The following JAK1 variants were observed in gnomAD, a reference collection of about 807,000 sequenced individuals.
JAK1 encodes Janus kinase 1.
Under a neutral mutation model 136.6 loss-of-function variants are expected in JAK1, and 16 were observed. The ratio of observed to expected loss-of-function variants is 0.12; its 90% CI spans 0.08 to 0.18. The LOEUF is 0.18. Among genes scored for constraint, JAK1 ranks in the 10% least tolerant of loss-of-function variants. The pLI, the probability that JAK1 is intolerant of heterozygous loss-of-function variation, is 1.00. For synonymous variants in JAK1, 492 were observed against 519.5 expected (o/e 0.95, Z 0.72); for missense variants, 859 against 1,450.1 (o/e 0.59, Z 6.62).
chr1:65,059,710 T>C (rs1647707962), intron 1 of JAK1, among the ~76,000 whole-genome samples: 2 of 152,222 alleles, frequency 1.3e-5, no homozygotes, highest in African/African-American at 4.8e-5. Context: ...ATTAAAACCA[T>C]GATTCACTTG....
intron 4 of JAK1, among the ~76,000 whole-genome samples, chr1:64,878,559 GTGTATATATATATATATATA>G (rs1204826610): frequency 2.5e-5 from 2 of 79,262 alleles, no homozygotes; most frequent in African/African-American, 4.7e-5. Flanking sequence ...TATATATAGT[GTGTATATATATATATATATA>G]TATATATATA....
chr1:65,008,291 C>G (rs879816923), intron 2 of JAK1, among the ~76,000 whole-genome samples: 12 of 152,074 alleles, frequency 7.9e-5, no homozygotes, highest in African/African-American at 1.2e-4. Flanking sequence ...TATGGTGTGT[C>G]CTAGTAACAT....
chr1:65,063,804 C>CAAAAAA (rs370192253), intron 1 of JAK1, among the ~76,000 whole-genome samples: 5 of 81,352 alleles, frequency 6.1e-5, no homozygotes, highest in Admixed American at 1.3e-4. Context: ...GACTCTATCT[C>CAAAAAA]AAAAAAAAAA....
chr1:65,011,468 C>CA (rs1488842824), intron 2 of JAK1, among the ~76,000 whole-genome samples: 1 of 152,008 alleles, frequency 6.6e-6, no homozygotes, highest in Non-Finnish European at 1.5e-5. Context: ...AACAAACAAA[C>CA]AACAACCAAC....
intron 2 of JAK1, chr1:64,986,066 AGATGGGGT>A: frequency 1.7e-6 from 2 of 1,191,704 alleles, no homozygotes; most frequent in East Asian, 5.5e-5. Context: ...CGAAGATCAG[AGATGGGGT>A]GACCTTCTAT....
At position 64,867,022 on chromosome 1, in the gene JAK1, T is replaced by C; in HGVS notation, c.834A>G (p.Thr278=). ...CAAATATTTCAGCACCGTAATGTTT[T>C]GTCAAAGTTTCCAAGGTAGCCAAGT... is the stretch of plus-strand genomic sequence containing the variant. ...VKYLATLETL[T]KHYGAEIFET... is the part of the protein sequence containing the mutation. The change falls in exon 7 of 25, where the codon ACA becomes ACG. Residue 278 remains threonine, a synonymous_variant. Transcript: ENST00000342505. The C allele has an allele frequency of 1.9e-6, 3 of 1,614,258 alleles. No homozygotes were observed. The highest frequency in any genetic ancestry group is 1.1e-5 in the South Asian group (1 of 91,090).
chr1:64,905,517 T>G (rs755817163), intron 1 of JAK1, among the ~76,000 whole-genome samples: 9 of 152,152 alleles, frequency 5.9e-5, no homozygotes, highest in East Asian at 1.9e-4. Flanking sequence ...AAGAAAGAAA[T>G]AATCGTATTG....
chr1:64,985,398 T>C (rs1646588889), intron 2 of JAK1: 5 of 1,610,614 alleles, frequency 3.1e-6, no homozygotes, highest in South Asian at 1.1e-5. Flanking sequence ...GGATACATCC[T>C]GGGTGCCCCA....
chr1:64,958,566 T>C (rs1281145754), intron 1 of JAK1, among the ~76,000 whole-genome samples: 1 of 152,234 alleles, frequency 6.6e-6, no homozygotes, highest in African/African-American at 2.4e-5. Context: ...TTCTTTATAA[T>C]ATATATTGCA....
intron 1 of JAK1, among the ~76,000 whole-genome samples, chr1:64,896,662 G>A (rs11208536): frequency 0.79 from 119,464 of 152,124 alleles, 48,297 homozygotes; most frequent in Non-Finnish European, 0.89. Context: ...AAGATATATC[G>A]CCAAAGAAGA....
In JAK1 at chr1:65,023,672, A is replaced by G. The variant is rs554400218; in HGVS notation, c.-78+20808T>C. Reference sequence around the variant, plus strand: ...CTAATTGTTTGTATTTTTAGTAGAGATGGGGTTTCACCATGTTAGCCAGGA... The same window carrying G: ...CTAATTGTTTGTATTTTTAGTAGAGGTGGGGTTTCACCATGTTAGCCAGGA... On this transcript the variant is annotated intron_variant, in intron 2 of 25. Coordinates refer to the JAK1 transcript ENST00000671954. Among the ~76,000 whole-genome samples, 4 of 152,192 alleles carry G rather than the reference A, an allele frequency of 2.6e-5. No homozygotes were observed. The South Asian group carries it at 8.3e-4, about 32-fold the overall frequency.
chr1:65,012,108 C>A (rs375081099), intron 2 of JAK1, among the ~76,000 whole-genome samples: 3 of 152,172 alleles, frequency 2.0e-5, no homozygotes, highest in African/African-American at 2.4e-5. Flanking sequence ...AGCTGAGAGA[C>A]AACAGCTCTG....
chr1:64,888,731 T>C (rs1189588399), intron 1 of JAK1, among the ~76,000 whole-genome samples: 4 of 152,234 alleles, frequency 2.6e-5, no homozygotes, highest in Admixed American at 2.0e-4. Flanking sequence ...TCCAGTATTA[T>C]TGAACACAAC....
At chr1:64,985,509 A>G (rs1646590229) in intron 2 of JAK1, 4 of 1,546,120 alleles carry the variant, frequency 2.6e-6, no homozygotes, top group Non-Finnish European at 3.6e-6. Context: ...ACTTTGTAGC[A>G]TAGCAGGAGA....
At chr1:64,971,152 T>A (rs929020388), upstream of JAK1, among the ~76,000 whole-genome samples, 2 of 152,166 alleles carry the variant, frequency 1.3e-5, no homozygotes, top group Non-Finnish European at 2.9e-5. Context: ...GGAGAAAAAA[T>A]TGACTGTAAT....
At chr1:64,941,629 T>C (rs560422795) in intron 1 of JAK1, among the ~76,000 whole-genome samples, 14 of 152,188 alleles carry the variant, frequency 9.2e-5, no homozygotes, top group Non-Finnish European at 1.6e-4. Flanking sequence ...CTCAGAGCTG[T>C]GATGTTACAT....
intron 9 of JAK1, 71 bp from the exon 10 acceptor site, chr1:64,857,850 C>T: frequency 6.4e-7 from 1 of 1,566,532 alleles, no homozygotes; most frequent in Non-Finnish European, 8.7e-7. Flanking sequence ...GGGCTATCCA[C>T]TCTCCTGAGC....
chr1:64,898,880 A>T (rs1645064801), intron 1 of JAK1, among the ~76,000 whole-genome samples: 1 of 152,184 alleles, frequency 6.6e-6, no homozygotes, highest in Non-Finnish European at 1.5e-5. Context: ...TAGCAGCAGA[A>T]ATGTGGCACA....
At chr1:64,978,296 G>GA (rs2100688900) in intron 2 of JAK1, among the ~76,000 whole-genome samples, 1 of 151,886 alleles carries the variant, frequency 6.6e-6, no homozygotes, top group Non-Finnish European at 1.5e-5. Flanking sequence ...AACAAACAAA[G>GA]AAAAAAACAC....
Sources: allele counts gnomAD v4.1 joint callset (sites outside exome capture counted in the v4.1 genomes callset), GRCh38; gene constraint gnomAD v4.1.1; transcripts MANE v1.5; gene names NCBI Gene and HGNC (gene_info 2026-07-23, HGNC 2026-07-21).